POLE4: variants seen among roughly 807,000 people sequenced by gnomAD.
The protein encoded by POLE4 is DNA polymerase epsilon 4, accessory subunit, also known as DNA polymerase epsilon subunit 4.
Under a neutral mutation model 15.6 loss-of-function variants are expected in POLE4, and 15 were observed. That is an observed-to-expected ratio of 0.96 (90% CI 0.64 to 1.48). POLE4 has a LOEUF of 1.48. Ranked by LOEUF, POLE4 falls within the 40% of genes most tolerant of loss-of-function variation. The pLI is 0.00. For missense variants in POLE4, 205 were observed against 151.9 expected (o/e 1.35, Z -1.84); for synonymous variants, 83 against 63.2 (o/e 1.31, Z -1.49).
rs1438968305 is a variant in POLE4 at position 74,967,577 on chromosome 2, TG to T, written c.341-1831del. On this transcript the variant is annotated intron_variant, in intron 3 of 3. Transcript: ENST00000483063. ...AATATTCAAAGCCTTTTGAGTTTTT[TG>T]TTTGCTAGTCTGTGCCGAATCTAAC... 1.2e-4 allele frequency among the ~76,000 whole-genome samples: 18 copies of T among 152,346 alleles called. No homozygotes were observed. The East Asian group carries it at 3.5e-3, about 29-fold the overall frequency.
At chr2:74,959,482 C>A in intron 2 of POLE4, 57 bp downstream of exon 2, 1 of 1,147,698 alleles carries the variant, frequency 8.7e-7, no homozygotes. Context: ...CTGGTTTCCC[C>A]TTGTGCAGGT....
intron 3 of POLE4, among the ~76,000 whole-genome samples, chr2:74,966,177 A>G (rs1025354814): frequency 6.6e-6 from 1 of 151,622 alleles, no homozygotes; most frequent in African/African-American, 2.4e-5. Flanking sequence ...GTAAGTCCTT[A>G]ATTTATCAAA....
intron 3 of POLE4, among the ~76,000 whole-genome samples, chr2:74,961,924 G>A (rs1417516142): frequency 4.0e-5 from 6 of 151,782 alleles, no homozygotes; most frequent in South Asian, 2.1e-4. Flanking sequence ...CATTTTTTTC[G>A]TTTTTATAAT....
intron 3 of POLE4, among the ~76,000 whole-genome samples, chr2:74,960,408 C>T (rs148446892): frequency 3.3e-3 from 506 of 152,284 alleles, no homozygotes; most frequent in African/African-American, 0.011. Context: ...TAGATGAATT[C>T]GAAAGTTCGA....
chr2:74,965,253 C>G (rs1009734060), intron 3 of POLE4, among the ~76,000 whole-genome samples: 1 of 151,820 alleles, frequency 6.6e-6, no homozygotes, highest in Non-Finnish European at 1.5e-5. Flanking sequence ...ACCACCACAC[C>G]CCAATAATTT....
At chr2:74,959,064 C>T in intron 1 of POLE4, 172 bp downstream of exon 1, 1 of 635,190 alleles carries the variant, frequency 1.6e-6, no homozygotes, top group Non-Finnish European at 2.7e-6. Flanking sequence ...TTTGTTAACA[C>T]TCCTCCCTCT....
chr2:74,960,222 CG>C, intron 3 of POLE4, 76 bp downstream of exon 3: 1 of 1,179,046 alleles, frequency 8.5e-7, no homozygotes, highest in East Asian at 2.3e-5. Flanking sequence ...TCTCATAAAA[CG>C]GATGCCTGCT....
chr2:74,967,209 A>G (rs537069492), intron 3 of POLE4, among the ~76,000 whole-genome samples: 7 of 152,044 alleles, frequency 4.6e-5, no homozygotes, highest in Admixed American at 6.5e-5. Context: ...CCCATTAAAT[A>G]TATGTAAAAA....
intron 3 of POLE4, among the ~76,000 whole-genome samples, chr2:74,968,891 T>A (rs543108901): frequency 2.8e-4 from 42 of 152,024 alleles, no homozygotes; most frequent in Non-Finnish European, 5.6e-4. Flanking sequence ...AAGCATACTT[T>A]GATCAGGTTT....
In POLE4 at chr2:74,962,913, C is replaced by T. The variant is rs528656635; in HGVS notation, c.340+2767C>T. Among the ~76,000 whole-genome samples the T allele has an allele frequency of 6.4e-4, 97 of 152,288 alleles. 2 individuals carry two copies. Among genetic ancestry groups the T allele is most frequent in the African/African-American group, 2.1e-3 (88 of 41,564 alleles). On this transcript the variant is annotated intron_variant, in intron 3 of 3. Transcript: ENST00000483063. ...CAAATGGAACCAAACCGTATGCATT[C>T]GTTGGCCAACATCTGTCACACAACT... is the stretch of plus-strand genomic sequence containing the variant.
chr2:74,962,244 T>G (rs78420359), intron 3 of POLE4, among the ~76,000 whole-genome samples: 4,112 of 152,324 alleles, frequency 0.027, 189 homozygotes, highest in African/African-American at 0.094. Flanking sequence ...TGTCTTTGGT[T>G]GTTGTGTCCA....
At position 74,959,377 on chromosome 2, in the gene POLE4, T is replaced by G; in HGVS notation, c.250T>G (p.Cys84Gly). 6.8e-6 allele frequency: 11 copies of G among 1,613,964 alleles called. No individual in the cohort carries two copies. The highest frequency in any genetic ancestry group is 9.3e-6 in the Non-Finnish European group (11 of 1,179,826). ...GGAGACCATTGCAAAAGATGCCTAC[T>G]GTTGCGCTCAGCAGGGAAAAAGGAA... is the stretch of plus-strand genomic sequence containing the variant. ...FVETIAKDAY[C>G]CAQQGKRKTL... is the part of the protein sequence containing the mutation. The change falls in exon 2 of 4, where the codon TGT becomes GGT. Residue 84 changes from cysteine (C) to glycine (G), a missense_variant. Coordinates refer to ENST00000483063, the MANE Select transcript of POLE4 (RefSeq NM_019896.4).
intron 3 of POLE4, among the ~76,000 whole-genome samples, chr2:74,961,861 CT>C (rs747956545): frequency 1.4e-4 from 21 of 152,134 alleles, no homozygotes; most frequent in Non-Finnish European, 2.2e-4. Context: ...TTATTTTTTA[CT>C]GGGTAAAATA....
chr2:74,968,571 C>G lies in POLE4; in HGVS notation c.341-838C>G, dbSNP rs546555136. 2.0e-5 allele frequency among the ~76,000 whole-genome samples: 3 copies of G among 150,814 alleles called. No individual in the cohort carries two copies. The South Asian group carries it at 6.3e-4, about 32-fold the overall frequency. Reference sequence around the variant, plus strand: ...GAAGCTGGCAGTTTTAGAGGCTGTTCTAGTTTTCTCCATATAGTTCATTTG... The same window carrying G: ...GAAGCTGGCAGTTTTAGAGGCTGTTGTAGTTTTCTCCATATAGTTCATTTG... On this transcript the variant is annotated intron_variant, in intron 3 of 3. Transcript: ENST00000483063.
At chr2:74,968,241 C>A (rs778714261) in intron 3 of POLE4, among the ~76,000 whole-genome samples, 8 of 151,970 alleles carry the variant, frequency 5.3e-5, no homozygotes, top group Non-Finnish European at 8.8e-5. Context: ...ATGAAAAGCA[C>A]CTCTATTTTT....
intron 3 of POLE4, among the ~76,000 whole-genome samples, chr2:74,962,068 A>G (rs965393370): frequency 6.6e-6 from 1 of 152,080 alleles, no homozygotes; most frequent in Non-Finnish European, 1.5e-5. Context: ...ATGCTTACCC[A>G]TTGGTTTGTC....
intron 3 of POLE4, among the ~76,000 whole-genome samples, chr2:74,962,641 T>C (rs1004353331): frequency 2.6e-5 from 4 of 152,162 alleles, no homozygotes; most frequent in Admixed American, 6.5e-5. Flanking sequence ...AAGTGTGTGC[T>C]GTAAATGTAA....
Position 74,958,820 on chromosome 2 carries a change from G to A in POLE4, c.141G>A (p.Lys47=). Residue 47 remains lysine (K), a synonymous_variant, in exon 1 of 4, where the codon AAG becomes AAA. Coordinates refer to ENST00000483063, the MANE Select transcript of POLE4 (RefSeq NM_019896.4). The part of the protein sequence containing the change: ...RLSRLPLARV[K]ALVKADPDVT... ...CGAGGTTGCCTCTGGCGCGAGTGAA[G>A]GCCTTGGTGAAGGCAGATCCCGACG... 6.4e-7 allele frequency: 1 copy of A among 1,558,234 alleles called. No individual in the cohort carries two copies. The highest frequency in any genetic ancestry group is 8.7e-7 in the Non-Finnish European group (1 of 1,151,056).
chr2:74,960,482 A>G (rs1021327541), intron 3 of POLE4: 7 of 468,582 alleles, frequency 1.5e-5, no homozygotes, highest in Non-Finnish European at 2.5e-5. Flanking sequence ...TACAGATCAG[A>G]AACAATTGTT....
Sources: allele counts gnomAD v4.1 joint callset (sites outside exome capture counted in the v4.1 genomes callset), GRCh38; gene constraint gnomAD v4.1.1; transcripts MANE v1.5; gene names NCBI Gene and HGNC (gene_info 2026-07-23, HGNC 2026-07-21).